Variants in CNTNAP2 observed in about 807,000 individuals in gnomAD.
The protein encoded by CNTNAP2 is contactin associated protein 2.
In CNTNAP2, 98 loss-of-function variants were observed where a neutral mutation model predicts 155.2. That is an observed-to-expected ratio of 0.63 (90% CI 0.54 to 0.75). CNTNAP2 has a LOEUF of 0.75. CNTNAP2 is among the 30% of genes least tolerant of loss of function. The pLI is 0.00. For missense variants in CNTNAP2, 1,727 were observed against 1,688.1 expected (o/e 1.02, Z -0.40); for synonymous variants, 651 against 631.2 (o/e 1.03, Z -0.47).
intron 2 of CNTNAP2, among the ~76,000 whole-genome samples, chr7:146,811,423 A>G (rs752215263): frequency 3.3e-5 from 5 of 152,138 alleles, no homozygotes; most frequent in African/African-American, 7.2e-5. Context: ...TTGTTGGCAT[A>G]TAAGAGTTCA....
intron 13 of CNTNAP2, among the ~76,000 whole-genome samples, chr7:147,676,481 CAT>C (rs1338895009): frequency 6.6e-6 from 1 of 151,966 alleles, no homozygotes; most frequent in African/African-American, 2.4e-5. Flanking sequence ...AGGTAACTAA[CAT>C]ATGCACTGCC....
At chr7:146,996,979 G>C (rs966929312) in intron 3 of CNTNAP2, among the ~76,000 whole-genome samples, 1 of 152,006 alleles carries the variant, frequency 6.6e-6, no homozygotes, top group Non-Finnish European at 1.5e-5. Context: ...TCTCTCTCTT[G>C]CCTGCTGCCA....
intron 1 of CNTNAP2, among the ~76,000 whole-genome samples, chr7:146,530,322 A>G (rs563156506): frequency 6.6e-6 from 1 of 152,354 alleles, no homozygotes; most frequent in East Asian, 1.9e-4. Context: ...AGGACCTGGC[A>G]AAGATTTCAT....
intron 1 of CNTNAP2, among the ~76,000 whole-genome samples, chr7:146,727,345 T>C (rs1585061791): frequency 6.6e-6 from 1 of 152,318 alleles, no homozygotes; most frequent in Non-Finnish European, 1.5e-5. Context: ...CACATACTAA[T>C]GGAGCTGATT....
intron 1 of CNTNAP2, among the ~76,000 whole-genome samples, chr7:146,381,046 C>A (rs906168255): frequency 1.3e-5 from 2 of 151,746 alleles, no homozygotes; most frequent in Admixed American, 6.6e-5. Context: ...GATCCGCCCG[C>A]CTCGGCCTCC....
intron 13 of CNTNAP2, among the ~76,000 whole-genome samples, chr7:147,829,638 G>A (rs1191844982): frequency 2.0e-5 from 3 of 152,112 alleles, no homozygotes; most frequent in Non-Finnish European, 4.4e-5. Context: ...AAACAGGATT[G>A]GAACTTGTCT....
chr7:147,123,030 T>A (rs1801152895), intron 6 of CNTNAP2: 1 of 152,138 alleles, frequency 6.6e-6, no homozygotes, highest in Non-Finnish European at 1.5e-5. Context: ...AAATAAAAAA[T>A]TTAGAGTAGA....
intron 9 of CNTNAP2, among the ~76,000 whole-genome samples, chr7:147,359,065 T>C (rs1311416824): frequency 6.6e-6 from 1 of 152,180 alleles, no homozygotes; most frequent in Non-Finnish European, 1.5e-5. Context: ...AAACCTATGC[T>C]TTAGTTATCC....
chr7:147,661,147 A>T (rs1795602675), intron 13 of CNTNAP2, among the ~76,000 whole-genome samples: 1 of 152,094 alleles, frequency 6.6e-6, no homozygotes, highest in African/African-American at 2.4e-5. Flanking sequence ...CATGTAGTAG[A>T]TATAATCCTC....
intron 1 of CNTNAP2, among the ~76,000 whole-genome samples, chr7:146,495,434 T>C (rs1797199878): frequency 6.6e-6 from 1 of 152,100 alleles, no homozygotes; most frequent in Non-Finnish European, 1.5e-5. Flanking sequence ...CTCTGATAAT[T>C]AGTTACCCTC....
At chr7:148,200,850 G>A (rs1014494843) in intron 18 of CNTNAP2, among the ~76,000 whole-genome samples, 4 of 152,042 alleles carry the variant, frequency 2.6e-5, no homozygotes, top group Admixed American at 6.5e-5. Flanking sequence ...CCATTCCCTC[G>A]CCTGTAGAAT....
chr7:146,589,252 T>C (rs1584995540), intron 1 of CNTNAP2, among the ~76,000 whole-genome samples: 1 of 152,096 alleles, frequency 6.6e-6, no homozygotes, highest in Non-Finnish European at 1.5e-5. Flanking sequence ...CAAGGTATAC[T>C]AAAACACTCA....
At chr7:146,863,726 T>C (rs1247075134) in intron 3 of CNTNAP2, among the ~76,000 whole-genome samples, 1 of 152,128 alleles carries the variant, frequency 6.6e-6, no homozygotes, top group African/African-American at 2.4e-5. Flanking sequence ...CTCATACTAG[T>C]TCCCAAATAG....
At chr7:147,811,441 A>C (rs1798177923) in intron 13 of CNTNAP2, among the ~76,000 whole-genome samples, 1 of 152,018 alleles carries the variant, frequency 6.6e-6, no homozygotes, top group Non-Finnish European at 1.5e-5. Context: ...AGTGTCACCA[A>C]ATCATGGCTT....
intron 6 of CNTNAP2, chr7:147,121,763 A>G (rs1004958307): frequency 1.3e-5 from 2 of 152,342 alleles, no homozygotes; most frequent in Admixed American, 6.5e-5. Flanking sequence ...ACGTTTATAT[A>G]AATAAAAATA....
At chr7:146,943,056 A>C (rs1171054357) in intron 3 of CNTNAP2, among the ~76,000 whole-genome samples, 1 of 152,234 alleles carries the variant, frequency 6.6e-6, no homozygotes, top group African/African-American at 2.4e-5. Context: ...TTAAGGGCAC[A>C]GACCCCCCTG....
At chr7:146,577,662 T>A (rs886551062) in intron 1 of CNTNAP2, among the ~76,000 whole-genome samples, 4 of 152,110 alleles carry the variant, frequency 2.6e-5, no homozygotes, top group Non-Finnish European at 5.9e-5. Flanking sequence ...CTTGAATATC[T>A]ACATAAAGGC....
intron 13 of CNTNAP2, among the ~76,000 whole-genome samples, chr7:147,736,209 CAG>C (rs1250374324): frequency 5.3e-5 from 8 of 151,892 alleles, no homozygotes; most frequent in African/African-American, 1.9e-4. Flanking sequence ...TCTTTTAGGG[CAG>C]GCCTGGTGGT....
chr7:148,034,046 T>TA (rs903063908), intron 15 of CNTNAP2, among the ~76,000 whole-genome samples: 4 of 152,214 alleles, frequency 2.6e-5, no homozygotes, highest in East Asian at 1.9e-4. Flanking sequence ...GTAGGAATCA[T>TA]AAAAAAACTG....
Sources: allele counts gnomAD v4.1 joint callset (sites outside exome capture counted in the v4.1 genomes callset), GRCh38; gene constraint gnomAD v4.1.1; transcripts MANE v1.5; gene names NCBI Gene and HGNC (gene_info 2026-07-23, HGNC 2026-07-21).